ANKAR: variants seen among roughly 807,000 people sequenced by gnomAD.
ANKAR encodes the protein ankyrin and armadillo repeat containing, also known as ankyrin and armadillo repeat-containing protein.
Under a neutral mutation model 146.2 loss-of-function variants are expected in ANKAR, and 136 were observed. The ratio of observed to expected loss-of-function variants is 0.93; its 90% CI spans 0.81 to 1.07. The LOEUF is 1.07. ANKAR is among the 50% of genes least tolerant of loss of function. ANKAR has a pLI of 0.00. For missense variants in ANKAR, 1,567 were observed against 1,679.9 expected, an observed-to-expected ratio of 0.93 and a Z score of 1.18; for synonymous variants, 500 against 575.8, an observed-to-expected ratio of 0.87 and a Z score of 1.88.
Position 189,730,550 on chromosome 2 carries a change from C to G in ANKAR, c.3249C>G (p.Ala1083=). 1.2e-6 allele frequency: 2 copies of G among 1,604,388 alleles called. No homozygotes were observed. The highest frequency in any genetic ancestry group is 1.7e-6 in the Non-Finnish European group (2 of 1,174,586). Reference sequence around the variant, plus strand: ...AACAATTGGTTGTAGATGAAAATGCCTTTCCAGTACTTATCCAACTACTAA... The same window carrying G: ...AACAATTGGTTGTAGATGAAAATGCGTTTCCAGTACTTATCCAACTACTAA... ...VSQQLVVDEN[A]FPVLIQLLRN... Residue 1083 remains alanine (A), a synonymous_variant, in exon 16 of 23, where the codon GCC becomes GCG. Transcript: ENST00000684021.
At chr2:189,700,150 A>T (rs747645037) in intron 7 of ANKAR, among the ~76,000 whole-genome samples, 1 of 151,970 alleles carries the variant, frequency 6.6e-6, no homozygotes, top group Non-Finnish European at 1.5e-5. Context: ...CTTGCAGGGC[A>T]GGTCTACTGG....
At chr2:189,752,911 T>C (rs1310327021) in intron 18 of ANKAR, 1 of 1,613,764 alleles carries the variant, frequency 6.2e-7, no homozygotes, top group South Asian at 1.1e-5. Flanking sequence ...AAGTGCACTG[T>C]GTTGCATTTG....
intron 5 of ANKAR, among the ~76,000 whole-genome samples, chr2:189,694,213 G>T (rs1018446076): frequency 1.7e-4 from 24 of 141,814 alleles, no homozygotes; most frequent in African/African-American, 5.2e-4. Context: ...CTTGGCAACA[G>T]AGTAAGACCT....
At chr2:189,691,112 G>A (rs146988412) in intron 3 of ANKAR, among the ~76,000 whole-genome samples, 2,820 of 152,302 alleles carry the variant, frequency 0.019, 86 homozygotes, top group African/African-American at 0.064. Context: ...CTGGAGTGCA[G>A]TGGCACGATC....
intron 18 of ANKAR, among the ~76,000 whole-genome samples, chr2:189,756,027 C>T (rs896055983): frequency 6.6e-6 from 1 of 152,100 alleles, no homozygotes; most frequent in Admixed American, 6.5e-5. Flanking sequence ...TAATAACTAA[C>T]TGAATATAAA....
At chr2:189,713,109 T>A (rs1263919839) in intron 10 of ANKAR, among the ~76,000 whole-genome samples, 1 of 152,094 alleles carries the variant, frequency 6.6e-6, no homozygotes, top group Non-Finnish European at 1.5e-5. Flanking sequence ...CCAAGAAATA[T>A]GGGACTATAT....
chr2:189,742,905 GACACACACACACACACACACACAC>G (rs397987025), intron 20 of ANKAR, among the ~76,000 whole-genome samples: 1,012 of 33,508 alleles, frequency 0.03, 22 homozygotes, highest in Middle Eastern at 0.065. Flanking sequence ...AGAATTACCT[GACACACACACACACACACACACAC>G]ACACACACAC....
intron 18 of ANKAR, chr2:189,754,226 C>A (rs779150537): frequency 6.2e-7 from 1 of 1,613,834 alleles, no homozygotes; most frequent in South Asian, 1.1e-5. Context: ...TAGCATGATG[C>A]AAGGGAGGTT....
At chr2:189,687,194 G>C (rs536989342) in intron 2 of ANKAR, among the ~76,000 whole-genome samples, 1 of 152,058 alleles carries the variant, frequency 6.6e-6, no homozygotes, top group East Asian at 1.9e-4. Context: ...TTAATTTTTA[G>C]TTCCCACAAA....
intron 12 of ANKAR, among the ~76,000 whole-genome samples, chr2:189,721,305 C>A (rs2041204596): frequency 6.6e-6 from 1 of 151,880 alleles, no homozygotes; most frequent in Non-Finnish European, 1.5e-5. Flanking sequence ...TAAATTTAAA[C>A]TGCTGGGCTT....
At chr2:189,681,394 C>T (rs748246145) in intron 2 of ANKAR, among the ~76,000 whole-genome samples, 9 of 152,136 alleles carry the variant, frequency 5.9e-5, no homozygotes, top group Non-Finnish European at 8.8e-5. Context: ...CTTCATGGCC[C>T]AGGATCTGGT....
chr2:189,752,325 T>G (rs1256661046), intron 18 of ANKAR, among the ~76,000 whole-genome samples: 1 of 152,174 alleles, frequency 6.6e-6, no homozygotes, highest in Non-Finnish European at 1.5e-5. Context: ...TTTCCCAGCA[T>G]ACTTGCTGGT....
At chr2:189,724,837 A>C (rs1293138035) in intron 12 of ANKAR, among the ~76,000 whole-genome samples, 1 of 152,230 alleles carries the variant, frequency 6.6e-6, no homozygotes, top group Non-Finnish European at 1.5e-5. Flanking sequence ...TTTTGGAAAT[A>C]TATTGATATT....
At chr2:189,760,944 T>C (rs1391782848) in intron 18 of ANKAR, among the ~76,000 whole-genome samples, 1 of 152,230 alleles carries the variant, frequency 6.6e-6, no homozygotes, top group East Asian at 1.9e-4. Flanking sequence ...TGTCCATTTA[T>C]TTAGGTAACC....
chr2:189,739,688 C>T (rs1428168688), intron 19 of ANKAR, among the ~76,000 whole-genome samples: 4 of 151,742 alleles, frequency 2.6e-5, no homozygotes, highest in East Asian at 1.9e-4. Flanking sequence ...CTCAGCCTCC[C>T]GAGTAGCTGG....
At chr2:189,757,167 T>C (rs2046202245) in intron 18 of ANKAR, among the ~76,000 whole-genome samples, 3 of 152,214 alleles carry the variant, frequency 2.0e-5, no homozygotes, top group Admixed American at 1.3e-4. Flanking sequence ...CTTGAAGCTA[T>C]AGCCAAGAGT....
Position 189,711,095 on chromosome 2 carries a change from G to T in ANKAR, c.2166G>T (p.Met722Ile), listed in dbSNP as rs1490916646. 7 of 1,614,108 alleles carry T rather than the reference G, an allele frequency of 4.3e-6. No individual in the cohort carries two copies. In the South Asian group the frequency reaches 7.7e-5, roughly 18 times the overall value. ...ATAAACGAAGGATGATGGCCGTCAT[G>T]TCCTTGGAAGTAATTTGCTTAGCAA... ...ESYKRRMMAV[M>I]SLEVICLAND... Residue 722 changes from methionine (M) to isoleucine (I), a missense_variant, in exon 10 of 23, where the codon ATG becomes ATT. Coordinates refer to ENST00000684021, the MANE Select transcript of ANKAR (RefSeq NM_001378068.1).
chr2:189,738,788 A>G (rs1429041940), intron 19 of ANKAR, 106 bp downstream of exon 19: 2 of 665,384 alleles, frequency 3.0e-6, no homozygotes, highest in Non-Finnish European at 4.9e-6. Context: ...CACTGCCACA[A>G]GTTTAAAGAA....
In ANKAR at chr2:189,728,312, G is replaced by C. The variant is rs753020665; in HGVS notation, c.2923G>C (p.Ala975Pro). ...VKEQGAVALW[A>P]LAGQTLKQQK... ...GGAACAAGGAGCTGTTGCACTTTGG[G>C]CCTTGGCAGGACAAACACTAAAACA... is the stretch of plus-strand genomic sequence containing the variant. Residue 975 changes from alanine to proline, a missense_variant, in exon 14 of 23, where the codon GCC becomes CCC. Physicochemically the swap from Ala to Pro is conservative, Grantham distance 27 (BLOSUM62 -1). Transcript: ENST00000684021. 3.1e-6 allele frequency: 5 copies of C among 1,612,858 alleles called. No homozygotes were observed. The African/African-American group carries it at 4.0e-5, about 13-fold the overall frequency.
Sources: gnomAD v4.1 joint callset for allele counts (sites outside exome capture counted in the v4.1 genomes callset) on GRCh38, gnomAD v4.1.1 for gene constraint, MANE v1.5 for transcripts, NCBI Gene and HGNC (gene_info 2026-07-23, HGNC 2026-07-21) for gene names.